The following CDH4 variants were observed in gnomAD, a reference collection of about 807,000 sequenced individuals.
CDH4 encodes the protein cadherin-4.
Under a neutral mutation model 86.0 loss-of-function variants are expected in CDH4, and 33 were observed. That is an observed-to-expected ratio of 0.38 (90% CI 0.29 to 0.51). The LOEUF (loss-of-function observed/expected upper bound fraction) is 0.51, where lower values mean the gene tolerates loss of function less well. Among genes scored for constraint, CDH4 ranks in the 20% least tolerant of loss-of-function variants. The probability of loss-of-function intolerance (pLI) is 0.86; values close to 1 mark genes in which losing one functional copy is unlikely to be tolerated. For missense variants in CDH4, 1,114 were observed against 1,307.4 expected (o/e 0.85, Z 2.28); for synonymous variants, 555 against 549.4 (o/e 1.01, Z -0.14).
intron 2 of CDH4, among the ~76,000 whole-genome samples, chr20:61,350,560 C>T (rs997646127): frequency 3.3e-5 from 5 of 149,816 alleles, no homozygotes; most frequent in Non-Finnish European, 7.4e-5. Context: ...CACCCAGGGT[C>T]AGGCAGGCCC....
intron 2 of CDH4, among the ~76,000 whole-genome samples, chr20:61,714,338 G>A (rs188115389): frequency 0.011 from 1,615 of 152,218 alleles, 32 homozygotes; most frequent in African/African-American, 0.037. Context: ...GAGCCACCAC[G>A]CCGAGAACCA....
At chr20:61,793,982 C>T (rs1436543325) in intron 4 of CDH4, among the ~76,000 whole-genome samples, 1 of 142,490 alleles carries the variant, frequency 7.0e-6, no homozygotes, top group Non-Finnish European at 1.5e-5. Flanking sequence ...ACTAAAAATA[C>T]AAAAAAAAAA....
intron 2 of CDH4, among the ~76,000 whole-genome samples, chr20:61,321,929 T>TTATAATAATAAATATTA (rs1261823707): frequency 2.6e-5 from 4 of 151,162 alleles, no homozygotes; most frequent in African/African-American, 9.7e-5. Flanking sequence ...GTAGCATATA[T>TTATAATAATAAATATTA]TATAATAATA....
intron 2 of CDH4, among the ~76,000 whole-genome samples, chr20:61,515,826 G>T (rs894271015): frequency 3.3e-5 from 5 of 152,024 alleles, no homozygotes; most frequent in South Asian, 2.1e-4. Flanking sequence ...CTCCTAGCTC[G>T]CTCTCTCTCA....
At chr20:61,651,161 C>T (rs944075334) in intron 2 of CDH4, among the ~76,000 whole-genome samples, 5 of 151,294 alleles carry the variant, frequency 3.3e-5, no homozygotes, top group Admixed American at 1.3e-4. Context: ...GAGTTAGCCT[C>T]GTGCTTGGTC....
At chr20:61,674,225 C>T (rs1006514094) in intron 2 of CDH4, among the ~76,000 whole-genome samples, 16 of 152,284 alleles carry the variant, frequency 1.1e-4, no homozygotes, top group African/African-American at 2.9e-4. Flanking sequence ...TGAGCTGCCC[C>T]GAGTCCCGTG....
chr20:61,733,838 A>C (rs1171378970), intron 2 of CDH4, among the ~76,000 whole-genome samples: 3 of 152,206 alleles, frequency 2.0e-5, no homozygotes, highest in Admixed American at 2.0e-4. Context: ...GGCTCATTTG[A>C]TCTTTCTCAA....
chr20:61,782,193 C>T (rs759579599), intron 4 of CDH4, among the ~76,000 whole-genome samples: 18 of 152,252 alleles, frequency 1.2e-4, no homozygotes, highest in Non-Finnish European at 2.5e-4. Flanking sequence ...CCTATAATCC[C>T]AGCTACTCAG....
intron 2 of CDH4, among the ~76,000 whole-genome samples, chr20:61,502,990 AAATG>A (rs1568867776): frequency 6.6e-6 from 1 of 152,222 alleles, no homozygotes; most frequent in Non-Finnish European, 1.5e-5. Context: ...GATTATGCCT[AAATG>A]AATATTCTTT....
At chr20:61,814,927 G>A (rs537386271) in intron 4 of CDH4, among the ~76,000 whole-genome samples, 55 of 152,254 alleles carry the variant, frequency 3.6e-4, no homozygotes, top group Middle Eastern at 3.4e-3. Flanking sequence ...CCCACGCTCC[G>A]CTCCCCGGCT....
At chr20:61,559,427 G>A (rs1015412319) in intron 2 of CDH4, among the ~76,000 whole-genome samples, 2 of 152,092 alleles carry the variant, frequency 1.3e-5, no homozygotes, top group Non-Finnish European at 2.9e-5. Context: ...TGCAAGAGAC[G>A]GCGCGCTGTC....
At chr20:61,299,049 T>G (rs1337150722) in intron 2 of CDH4, among the ~76,000 whole-genome samples, 1 of 152,112 alleles carries the variant, frequency 6.6e-6, no homozygotes, top group East Asian at 1.9e-4. Flanking sequence ...CTCCAGAACC[T>G]GTGCGCGTGA....
chr20:61,740,478 C>T (rs2088319700), intron 2 of CDH4: 1 of 152,206 alleles, frequency 6.6e-6, no homozygotes, highest in Admixed American at 6.5e-5. Flanking sequence ...TGCCTTATTG[C>T]TCTTTCCTTA....
intron 2 of CDH4, among the ~76,000 whole-genome samples, chr20:61,464,541 G>A (rs182193831): frequency 2.6e-4 from 39 of 152,320 alleles, no homozygotes; most frequent in Admixed American, 6.5e-4. Context: ...GCTTTTGCAC[G>A]CAGCACTTGG....
intron 4 of CDH4, among the ~76,000 whole-genome samples, chr20:61,838,152 G>A (rs1402238599): frequency 1.3e-5 from 2 of 150,550 alleles, no homozygotes; most frequent in Non-Finnish European, 3.0e-5. Context: ...CTGTCTGCCT[G>A]TCTGCCTGTC....
At chr20:61,295,113 C>T (rs1200490661) in intron 2 of CDH4, among the ~76,000 whole-genome samples, 3 of 152,124 alleles carry the variant, frequency 2.0e-5, no homozygotes, top group Admixed American at 6.5e-5. Context: ...GAGAATGTGG[C>T]GTAATTATAA....
At chr20:61,643,146 G>T (rs1171267612) in intron 2 of CDH4, among the ~76,000 whole-genome samples, 1 of 152,176 alleles carries the variant, frequency 6.6e-6, no homozygotes, top group Non-Finnish European at 1.5e-5. Flanking sequence ...GATGCATCTG[G>T]CCGGCTTCAG....
At chr20:61,774,799 G>C (rs775124447) in intron 4 of CDH4, among the ~76,000 whole-genome samples, 1 of 152,132 alleles carries the variant, frequency 6.6e-6, no homozygotes, top group Admixed American at 6.5e-5. Context: ...TCCCACTTTA[G>C]TTTGCTAAGG....
At chr20:61,282,077 G>A (rs939347371) in intron 2 of CDH4, among the ~76,000 whole-genome samples, 1 of 152,222 alleles carries the variant, frequency 6.6e-6, no homozygotes, top group African/African-American at 2.4e-5. Context: ...AGAAATTCAC[G>A]GCTGGGCATG....
Sources: gnomAD v4.1 joint callset for allele counts (sites outside exome capture counted in the v4.1 genomes callset) on GRCh38, gnomAD v4.1.1 for gene constraint, MANE v1.5 for transcripts, NCBI Gene and HGNC (gene_info 2026-07-23, HGNC 2026-07-21) for gene names.